Variants in CSMD1 observed in about 807,000 individuals in gnomAD.
CSMD1 encodes CUB and sushi domain-containing protein 1.
Under a neutral mutation model 417.5 loss-of-function variants are expected in CSMD1, and 213 were observed. That is an observed-to-expected ratio of 0.51 (90% CI 0.46 to 0.57). CSMD1 has a LOEUF of 0.57. Ranked by LOEUF, CSMD1 falls within the 20% of genes least tolerant of loss-of-function variation. The pLI is 0.00. For missense variants in CSMD1, 6,923 were observed against 4,529.7 expected, an observed-to-expected ratio of 1.53 and a Z score of -15.17; for synonymous variants, 2,862 against 1,736.8, an observed-to-expected ratio of 1.65 and a Z score of -16.11.
At chr8:3,271,491 G>T (rs1018632312) in intron 26 of CSMD1, among the ~76,000 whole-genome samples, 3 of 146,432 alleles carry the variant, frequency 2.0e-5, no homozygotes, top group Admixed American at 6.9e-5. Context: ...CTAGATCCCT[G>T]ACGAATGTCC....
At chr8:3,362,370 C>T (rs1809247190) in intron 20 of CSMD1, among the ~76,000 whole-genome samples, 1 of 152,270 alleles carries the variant, frequency 6.6e-6, no homozygotes, top group Admixed American at 6.5e-5. Flanking sequence ...CCACTGTGAC[C>T]TCCGGATGCA....
intron 4 of CSMD1, among the ~76,000 whole-genome samples, chr8:4,026,101 G>A (rs557719566): frequency 1.3e-5 from 2 of 151,650 alleles, no homozygotes; most frequent in South Asian, 2.1e-4. Context: ...CATTTCATTC[G>A]TGTGAATTAT....
chr8:2,952,800 T>C (rs1802724843), intron 65 of CSMD1, among the ~76,000 whole-genome samples: 1 of 152,198 alleles, frequency 6.6e-6, no homozygotes, highest in Admixed American at 6.5e-5. Context: ...CAGGCCTGGC[T>C]GGGTAGGGTA....
At chr8:3,841,992 G>C (rs1018750902) in intron 5 of CSMD1, among the ~76,000 whole-genome samples, 3 of 152,154 alleles carry the variant, frequency 2.0e-5, no homozygotes, top group Non-Finnish European at 2.9e-5. Flanking sequence ...TCGTGTTGCA[G>C]CATCAATTTG....
At chr8:3,582,691 T>C (rs185905121) in intron 9 of CSMD1, among the ~76,000 whole-genome samples, 9 of 152,254 alleles carry the variant, frequency 5.9e-5, no homozygotes, top group Admixed American at 4.6e-4. Flanking sequence ...CAAAACAAAG[T>C]ATGAAAAAAA....
At chr8:4,294,600 G>A (rs1440148161) in intron 3 of CSMD1, among the ~76,000 whole-genome samples, 2 of 152,050 alleles carry the variant, frequency 1.3e-5, no homozygotes, top group Non-Finnish European at 2.9e-5. Flanking sequence ...CCAGGTCTAA[G>A]GACTACAGAC....
At chr8:4,817,809 A>C (rs4875387) in intron 1 of CSMD1, among the ~76,000 whole-genome samples, 37,915 of 152,186 alleles carry the variant, frequency 0.25, 4,896 homozygotes, top group South Asian at 0.29. Context: ...GTGATATATA[A>C]GTGCAGGGAG....
chr8:3,984,696 GTATATATCATATATATATATA>G (rs1425942582), intron 5 of CSMD1, among the ~76,000 whole-genome samples: 15 of 119,912 alleles, frequency 1.3e-4, no homozygotes, highest in African/African-American at 3.7e-4. Context: ...AGGATTCAGT[GTATATATCATATATATATATA>G]TATATATATA....
intron 3 of CSMD1, among the ~76,000 whole-genome samples, chr8:4,356,443 A>C (rs1801438420): frequency 6.6e-6 from 1 of 152,192 alleles, no homozygotes; most frequent in Non-Finnish European, 1.5e-5. Flanking sequence ...TGCATGTACA[A>C]GTATCCTTTT....
intron 2 of CSMD1, among the ~76,000 whole-genome samples, chr8:4,429,498 C>T (rs752397848): frequency 1.3e-5 from 2 of 152,016 alleles, no homozygotes; most frequent in African/African-American, 2.4e-5. Flanking sequence ...AACAGATTAG[C>T]TTATATAATT....
chr8:4,596,045 C>T (rs1585306223), intron 2 of CSMD1, among the ~76,000 whole-genome samples: 1 of 152,166 alleles, frequency 6.6e-6, no homozygotes, highest in Non-Finnish European at 1.5e-5. Context: ...ACACTGCCCA[C>T]AGCATGGCCC....
intron 47 of CSMD1, among the ~76,000 whole-genome samples, chr8:3,092,149 C>G (rs1196038093): frequency 6.6e-6 from 1 of 151,962 alleles, no homozygotes; most frequent in Non-Finnish European, 1.5e-5. Context: ...CATGTGTATT[C>G]TAACACTATT....
At chr8:3,511,306 C>A (rs781300030) in intron 10 of CSMD1, among the ~76,000 whole-genome samples, 3 of 151,584 alleles carry the variant, frequency 2.0e-5, no homozygotes, top group Non-Finnish European at 2.9e-5. Flanking sequence ...ATACAGCAAA[C>A]CACAATGGCA....
chr8:4,216,711 G>A (rs368017963), intron 3 of CSMD1, among the ~76,000 whole-genome samples: 5 of 152,136 alleles, frequency 3.3e-5, no homozygotes, highest in African/African-American at 1.2e-4. Flanking sequence ...CATCTAGGAG[G>A]AGGGGGTATA....
chr8:4,137,592 G>C (rs1388740341), intron 3 of CSMD1, among the ~76,000 whole-genome samples: 5 of 131,008 alleles, frequency 3.8e-5, no homozygotes, highest in African/African-American at 9.9e-5. Flanking sequence ...GAACTGGTTG[G>C]TTTGTAAGAT....
intron 50 of CSMD1, among the ~76,000 whole-genome samples, chr8:3,037,544 G>C (rs1810775319): frequency 1.3e-5 from 2 of 152,122 alleles, no homozygotes; most frequent in Admixed American, 6.5e-5. Flanking sequence ...TGCAAACTGT[G>C]CTGCTATAAA....
intron 50 of CSMD1, among the ~76,000 whole-genome samples, chr8:3,031,830 A>T (rs187132578): frequency 6.7e-6 from 1 of 149,750 alleles, no homozygotes; most frequent in Non-Finnish European, 1.5e-5. Context: ...GTTTGTAATT[A>T]TCTTAGGCTA....
intron 2 of CSMD1, among the ~76,000 whole-genome samples, chr8:4,425,752 T>G (rs571642570): frequency 1.4e-3 from 219 of 152,282 alleles, no homozygotes; most frequent in African/African-American, 5.1e-3. Context: ...TTGAAGTAAA[T>G]CCCAATAATC....
chr8:4,487,542 C>A (rs907663613), intron 2 of CSMD1, among the ~76,000 whole-genome samples: 1 of 152,196 alleles, frequency 6.6e-6, no homozygotes, highest in African/African-American at 2.4e-5. Context: ...ACATGTGCCA[C>A]ATTTTCTTAA....
Sources: gnomAD v4.1 joint callset for allele counts (sites outside exome capture counted in the v4.1 genomes callset) on GRCh38, gnomAD v4.1.1 for gene constraint, MANE v1.5 for transcripts, NCBI Gene and HGNC (gene_info 2026-07-23, HGNC 2026-07-21) for gene names.